The following PSG7 variants were observed in gnomAD, a reference collection of about 807,000 sequenced individuals.
PSG7 encodes the protein pregnancy specific beta-1-glycoprotein 7, also known as pregnancy-specific beta-1-glycoprotein 7.
A neutral mutation model predicts 45.6 loss-of-function variants in PSG7; 57 were observed. The observed-to-expected ratio is 1.25, with a 90% CI of 1.01 to 1.56. PSG7 has a LOEUF of 1.56. PSG7 is among the 40% of genes most tolerant of loss of function. PSG7 has a pLI of 0.00. For missense variants in PSG7, 796 were observed against 508.4 expected (o/e 1.57, Z -5.44); for synonymous variants, 298 against 194.4 (o/e 1.53, Z -4.43).
At chr19:42,932,187 C>T (rs1353978395) in intron 2 of PSG7, among the ~76,000 whole-genome samples, 3 of 151,322 alleles carry the variant, frequency 2.0e-5, no homozygotes, top group East Asian at 1.9e-4. Context: ...CCACGTCCCA[C>T]TAATTTTTTG....
chr19:42,930,587 C>T (rs1391954704), intron 2 of PSG7, among the ~76,000 whole-genome samples: 1 of 151,684 alleles, frequency 6.6e-6, no homozygotes, highest in Non-Finnish European at 1.5e-5. Context: ...GAAGTCTGGT[C>T]CTCATGGACC....
rs1305173482 is a variant in PSG7 at position 42,925,252 on chromosome 19, T to C, written c.1244-428A>G. The C allele has an allele frequency of 5.6e-5, 17 of 301,784 alleles. 2 individuals carry two copies. The Admixed American group carries it at 8.3e-4, about 15-fold the overall frequency. The allele number at this position is 301,784 out of a possible 1,614,324, so 18.7% of individuals were successfully genotyped here. A position where few individuals can be genotyped will look rare whatever the true frequency, so the allele number is the denominator to read the frequency against. ...ATAACCAATGATTTGAAATGTGTCC[T>C]GTTACAAAGAGAGCAGGTTGTTACT... On this transcript the variant is annotated intron_variant, in intron 5 of 5. Transcript: ENST00000406070.
chr19:42,933,293 A>ATTTTTTTTTTTTTTTT, intron 2 of PSG7, among the ~76,000 whole-genome samples: 1 of 10,544 alleles, frequency 9.5e-5, no homozygotes, highest in East Asian at 4.9e-3. Flanking sequence ...ATATATATAT[A>ATTTTTTTTTTTTTTTT]TATATATATA....
chr19:42,931,189 A>C (rs753483122), intron 2 of PSG7, among the ~76,000 whole-genome samples: 4 of 151,648 alleles, frequency 2.6e-5, no homozygotes, highest in Non-Finnish European at 5.9e-5. Flanking sequence ...TGGAGGAAAC[A>C]TTAAAATGTT....
At chr19:42,926,803 C>G (rs1486258889) in intron 3 of PSG7, 87 bp from the exon 4 acceptor site, 4 of 1,563,782 alleles carry the variant, frequency 2.6e-6, no homozygotes, top group African/African-American at 2.7e-5. Context: ...GCATCTCCCA[C>G]CTGTCAACAC....
At position 42,925,514 on chromosome 19, in the gene PSG7, C is replaced by T. The variant is rs1320981372; in HGVS notation, c.1243+259G>A. The T allele has an allele frequency of 1.2e-5, 11 of 955,348 alleles. 1 individual carries two copies. In the Admixed American group the frequency reaches 2.8e-4, roughly 25 times the overall value. The allele number at this position is 955,348 out of a possible 1,614,324, so 59.2% of individuals were successfully genotyped here. The stretch of plus-strand genomic sequence containing the variant: ...CAAATAAAAATCATAAAAACATTAT[C>T]CTCATTATTATCAATTATTTCAATG... On this transcript the variant is annotated intron_variant, in intron 5 of 5. Transcript: ENST00000406070.
Position 42,933,800 on chromosome 19 carries a change from T to G in PSG7, c.430+1604A>C, listed in dbSNP as rs1159088000. Among the ~76,000 whole-genome samples, 4 of 150,942 alleles carry G rather than the reference T, an allele frequency of 2.7e-5. No homozygotes were observed. The East Asian group carries it at 5.9e-4, about 22-fold the overall frequency. On this transcript the variant is annotated intron_variant, in intron 2 of 5. Coordinates refer to ENST00000406070, the MANE Select transcript of PSG7 (RefSeq NM_002783.3). The stretch of plus-strand genomic sequence containing the variant: ...TGACCCCAGGGACAAGGTGCCCCCA[T>G]TTCCACAGTCCAGGACCAAGGAGCC...
At position 42,924,372 on chromosome 19, in the gene PSG7, C is replaced by T. The variant is rs1171054722; in HGVS notation, c.*436G>A. The T allele has an allele frequency of 7.0e-6, 3 of 430,798 alleles. No homozygotes were observed. Among genetic ancestry groups the T allele is most frequent in the African/African-American group, 6.0e-5 (3 of 49,714 alleles). The allele number at this position is 430,798 out of a possible 1,614,324, so 26.7% of individuals were successfully genotyped here. On this transcript the variant is annotated 3_prime_UTR_variant, in exon 6 of 6. Coordinates refer to ENST00000406070, the MANE Select transcript of PSG7 (RefSeq NM_002783.3). ...CAAGATGGAGAGAGCCACATTTCCTCCTGAGATGTTATGTAAAAGTCTGAG... is the reference window on the plus strand; with the variant it reads ...CAAGATGGAGAGAGCCACATTTCCTTCTGAGATGTTATGTAAAAGTCTGAG...
intron 2 of PSG7, among the ~76,000 whole-genome samples, chr19:42,934,866 C>T (rs10420868): frequency 0.55 from 81,577 of 148,716 alleles, 23,432 homozygotes; most frequent in African/African-American, 0.72. Context: ...GAGGGCTGAG[C>T]CCTGGCTGGT....
chr19:42,929,452 C>G lies in PSG7; in HGVS notation c.699G>C (p.Leu233=), dbSNP rs372150257. ...VSASRSDPVT[L]NLLPKLPKPY... ...ACAGAAGATACTCACGGAGGAGATT[C>G]AGGGTGACTGGGTCACTGCGGCTGG... Residue 233 remains leucine, a synonymous_variant, in exon 3 of 6, where the codon CTG becomes CTC. Transcript: ENST00000406070. The G allele has an allele frequency of 3.3e-5, 53 of 1,612,436 alleles. 2 individuals carry two copies. The East Asian group carries it at 6.5e-4, about 20-fold the overall frequency.
At chr19:42,926,080 C>G in intron 4 of PSG7, 53 bp from the exon 5 acceptor site, 1 of 1,593,258 alleles carries the variant, frequency 6.3e-7, no homozygotes, top group South Asian at 1.1e-5. Flanking sequence ...GAAGGGGATG[C>G]TCCTGGTCTC....
chr19:42,926,655 G>T lies in PSG7; in HGVS notation c.771C>A (p.Val257=), dbSNP rs1475873634. ...NNLNPRENKD[V]STFTCEPKSE... Reference sequence around the variant, plus strand: ...TCTTAGGTTCACAGGTGAAGGTTGAGACATCCTTATTCTCCCTGGGGTTTA... The same window carrying T: ...TCTTAGGTTCACAGGTGAAGGTTGATACATCCTTATTCTCCCTGGGGTTTA... Residue 257 remains valine, a synonymous_variant, in exon 4 of 6, where the codon GTC becomes GTA. Coordinates refer to ENST00000406070, the MANE Select transcript of PSG7 (RefSeq NM_002783.3). The T allele has an allele frequency of 1.9e-6, 3 of 1,610,304 alleles. No individual in the cohort carries two copies. Among genetic ancestry groups the T allele is most frequent in the African/African-American group, 2.7e-5 (2 of 74,722 alleles).
rs1390740732 is a variant in PSG7 at position 42,925,979 on chromosome 19, G to C, written c.1037C>G (p.Ser346Ter). 1.9e-6 allele frequency: 3 copies of C among 1,612,158 alleles called. 1 individual carries two copies. In the South Asian group the frequency reaches 3.3e-5, roughly 18 times the overall value. ...GCAGGACAAGTAGAGGTTTTGTCCT[G>C]AATGGTAATAGGTGAATGAAGGGTA... ...RIYPSFTYYH[S>*]GQNLYLSCFA... The change falls in exon 5 of 6, where the codon TCA (serine) becomes TGA (stop). Residue 346 changes from serine (S) to a stop codon, truncating the protein, a stop_gained. Transcript: ENST00000406070. LOFTEE classifies it high-confidence loss of function.
At chr19:42,926,403 C>T (rs770264554) in intron 4 of PSG7, 35 bp downstream of exon 4, 15 of 1,607,754 alleles carry the variant, frequency 9.3e-6, no homozygotes, top group Non-Finnish European at 1.3e-5. Flanking sequence ...GTGTCCTGGC[C>T]CACAGAGGAA....
intron 5 of PSG7, 163 bp downstream of exon 5, chr19:42,925,610 T>A (rs1972863743): frequency 6.8e-7 from 1 of 1,476,478 alleles, no homozygotes; most frequent in Admixed American, 2.2e-5. Context: ...GTTAAAGTTT[T>A]CGAAGTTCTT....
In PSG7 at chr19:42,929,188, T is replaced by C. The variant is rs529006103; in HGVS notation, c.709+254A>G. 8.3e-4 allele frequency: 699 copies of C among 846,618 alleles called. 10 individuals are homozygous for C. The highest frequency in any genetic ancestry group is 4.4e-3 in the African/African-American group (257 of 58,468). 52.4% of individuals were successfully genotyped at this position (846,618 alleles called of 1,614,324 possible). ...CCCGCTGTGTTCATGATCTGGAGCCTGAGACATTCACCTGTTTCTTCCATC... is the reference window on the plus strand; with the variant it reads ...CCCGCTGTGTTCATGATCTGGAGCCCGAGACATTCACCTGTTTCTTCCATC... On this transcript the variant is annotated intron_variant, in intron 3 of 5. Transcript: ENST00000406070.
chr19:42,927,921 T>A (rs1177575517), intron 3 of PSG7, among the ~76,000 whole-genome samples: 1 of 151,740 alleles, frequency 6.6e-6, no homozygotes, highest in African/African-American at 2.4e-5. Context: ...TGCATTTCTT[T>A]CATTTTTTGA....
chr19:42,925,724 A>G (rs754529717), intron 5 of PSG7, 49 bp downstream of exon 5: 5 of 1,610,232 alleles, frequency 3.1e-6, no homozygotes, highest in Middle Eastern at 1.8e-4. Flanking sequence ...TGAAAGTCAG[A>G]TAGACTGCAC....
In PSG7 at chr19:42,925,894, T is replaced by C. The variant is rs373708564; in HGVS notation, c.1122A>G (p.Leu374=). The C allele has an allele frequency of 1.2e-6, 2 of 1,612,044 alleles. No homozygotes were observed. The highest frequency in any genetic ancestry group is 1.7e-6 in the Non-Finnish European group (2 of 1,179,140). ...GGGGGATAGAAAGCTTTTGTCCTGA[T>C]AGCTGAAACTTCCCATTAATTGTCC... ...YSWTINGKFQ[L]SGQKLSIPQI... Residue 374 remains leucine (L), a synonymous_variant, in exon 5 of 6, where the codon CTA becomes CTG. Transcript: ENST00000406070.
Sources: allele counts gnomAD v4.1 joint callset (sites outside exome capture counted in the v4.1 genomes callset), GRCh38; gene constraint gnomAD v4.1.1; transcripts MANE v1.5; gene names NCBI Gene and HGNC (gene_info 2026-07-23, HGNC 2026-07-21).